The following IQCH variants were observed in gnomAD, a reference collection of about 807,000 sequenced individuals.
IQCH encodes IQ domain-containing protein H.
In IQCH, 98 loss-of-function variants were observed where a neutral mutation model predicts 117.0. That is an observed-to-expected ratio of 0.84 (90% CI 0.71 to 0.99). IQCH has a LOEUF of 0.99. Among genes scored for constraint, IQCH ranks in the 50% least tolerant of loss-of-function variants. The pLI, the probability that IQCH is intolerant of heterozygous loss-of-function variation, is 0.00. For synonymous variants in IQCH, 412 were observed against 448.2 expected (o/e 0.92, Z 1.02); for missense variants, 1,102 against 1,243.8 (o/e 0.89, Z 1.72).
rs537351001 is a variant in IQCH, at chr15:67,438,359, C to T, written c.2505+16782C>T. 5.3e-5 allele frequency among the ~76,000 whole-genome samples: 8 copies of T among 152,250 alleles called. No individual in the cohort carries two copies. The South Asian group carries it at 8.3e-4, about 16-fold the overall frequency. ...CAGACAAACAAATGCTGAGAGAATTCGCCATTACCACGCCACCACTACAAG... is the reference window on the plus strand; with the variant it reads ...CAGACAAACAAATGCTGAGAGAATTTGCCATTACCACGCCACCACTACAAG... On this transcript the variant is annotated intron_variant, in intron 16 of 20. Transcript: ENST00000335894.
chr15:67,277,603 G>A (rs1176016553), intron 3 of IQCH, among the ~76,000 whole-genome samples: 1 of 148,886 alleles, frequency 6.7e-6, no homozygotes, highest in African/African-American at 2.5e-5. Context: ...GCGCAATCTC[G>A]GCTCACTGCA....
rs1160851915 is a variant in IQCH at position 67,472,306 on chromosome 15, C to T, written c.2677-3390C>T. 1.3e-5 allele frequency among the ~76,000 whole-genome samples: 2 copies of T among 152,266 alleles called. No homozygotes were observed. The highest frequency in any genetic ancestry group is 3.9e-4 in the East Asian group (2 of 5,184). ...AGCACAGAACTGGGGAAGTGGGAAG[C>T]AGGAGAAGTAGTTGGAAGGGTGCAC... On this transcript the variant is annotated intron_variant, in intron 17 of 20. Transcript: ENST00000335894. This position sits in a 1 kb window ranked among gnomAD's most constrained non-coding sequence, Gnocchi z 4.3.
intron 4 of IQCH, among the ~76,000 whole-genome samples, chr15:67,333,466 T>G (rs1321037981): frequency 6.6e-6 from 1 of 152,206 alleles, no homozygotes. Flanking sequence ...CATGTAAAAT[T>G]AATAACATAA....
chr15:67,324,880 T>G (rs1968334908), intron 4 of IQCH, among the ~76,000 whole-genome samples: 1 of 152,086 alleles, frequency 6.6e-6, no homozygotes, highest in Non-Finnish European at 1.5e-5. Context: ...ATCATATGCT[T>G]GAATGTAGTT....
At chr15:67,343,345 G>C (rs1969252119) in intron 5 of IQCH, among the ~76,000 whole-genome samples, 1 of 152,202 alleles carries the variant, frequency 6.6e-6, no homozygotes, top group Non-Finnish European at 1.5e-5. Context: ...CTTCAACACA[G>C]TAGATCCACC....
chr15:67,325,270 A>T (rs750383537), intron 4 of IQCH, among the ~76,000 whole-genome samples: 1 of 151,952 alleles, frequency 6.6e-6, no homozygotes, highest in Non-Finnish European at 1.5e-5. Flanking sequence ...TCTTTTATAT[A>T]CATTTAATTT....
intron 15 of IQCH, among the ~76,000 whole-genome samples, chr15:67,419,642 C>T (rs192672437): frequency 6.6e-6 from 1 of 152,336 alleles, no homozygotes; most frequent in Non-Finnish European, 1.5e-5. Flanking sequence ...CAGCCTTGGC[C>T]TCCCAGGCTC....
In IQCH at chr15:67,406,416, G is replaced by A. The variant is rs1174415468; in HGVS notation, c.2097+6111G>A. 2 of 152,054 alleles carry A rather than the reference G, an allele frequency of 1.3e-5. No individual in the cohort carries two copies. The highest frequency in any genetic ancestry group is 2.4e-5 in the African/African-American group (1 of 41,398). 9.4% of individuals were successfully genotyped at this position (152,054 alleles called of 1,614,324 possible). On this transcript the variant is annotated intron_variant, in intron 14 of 20. Coordinates refer to ENST00000335894, the MANE Select transcript of IQCH (RefSeq NM_001031715.3). This position sits in a 1 kb window ranked among gnomAD's most constrained non-coding sequence, Gnocchi z 4.5. ...GTGTGCCTGTAGTTCCAGCTACTTA[G>A]GAGCCTGAAGAAAGAGGATCACTCG... is the stretch of plus-strand genomic sequence containing the variant.
intron 15 of IQCH, among the ~76,000 whole-genome samples, chr15:67,418,479 C>T (rs2140911483): frequency 7.4e-6 from 1 of 135,480 alleles, no homozygotes; most frequent in African/African-American, 2.7e-5. Context: ...GGAAAGTCAA[C>T]CCCATGCATA....
At chr15:67,389,049 A>G in intron 12 of IQCH, 43 bp downstream of exon 12, 1 of 1,514,308 alleles carries the variant, frequency 6.6e-7, no homozygotes, top group Non-Finnish European at 9.1e-7. Flanking sequence ...GGATGCAGTA[A>G]AATTAAATTG....
At chr15:67,293,822 G>T (rs1966834354) in intron 4 of IQCH, among the ~76,000 whole-genome samples, 1 of 152,156 alleles carries the variant, frequency 6.6e-6, no homozygotes, top group Non-Finnish European at 1.5e-5. Flanking sequence ...ACAGAAGAAA[G>T]ACCCTAAATT....
At chr15:67,450,905 G>A (rs2082507537) in intron 16 of IQCH, among the ~76,000 whole-genome samples, 1 of 152,234 alleles carries the variant, frequency 6.6e-6, no homozygotes, top group South Asian at 2.1e-4. Context: ...TTCAGAGCCT[G>A]TTATTGGTCT....
At chr15:67,265,542 T>A (rs1264709697) in intron 3 of IQCH, among the ~76,000 whole-genome samples, 1 of 151,984 alleles carries the variant, frequency 6.6e-6, no homozygotes, top group Non-Finnish European at 1.5e-5. Flanking sequence ...AGAAATGAAA[T>A]GAGATGGGAC....
At chr15:67,419,521 T>C (rs1193287724) in intron 15 of IQCH, among the ~76,000 whole-genome samples, 1 of 152,206 alleles carries the variant, frequency 6.6e-6, no homozygotes, top group Non-Finnish European at 1.5e-5. Flanking sequence ...TTCTAAATTG[T>C]CATAGGATTA....
At chr15:67,312,095 GAGAT>G (rs1257995783) in intron 4 of IQCH, among the ~76,000 whole-genome samples, 1 of 152,250 alleles carries the variant, frequency 6.6e-6, no homozygotes, top group East Asian at 1.9e-4. Context: ...TACATACTGA[GAGAT>G]AGTGTTTCTA....
At chr15:67,367,712 G>A (rs886395269) in intron 8 of IQCH, among the ~76,000 whole-genome samples, 20 of 152,106 alleles carry the variant, frequency 1.3e-4, no homozygotes, top group Non-Finnish European at 2.6e-4. Context: ...CTGGTGGTAC[G>A]GGGGTAGGGG....
At position 67,390,956 on chromosome 15, in the gene IQCH, T is replaced by G. The variant is rs16950887; in HGVS notation, c.1632+1950T>G. Among the ~76,000 whole-genome samples, 3,294 of 152,312 alleles carry G rather than the reference T, an allele frequency of 0.022. 117 individuals carry two copies. Among genetic ancestry groups the G allele is most frequent in the African/African-American group, 0.072 (2,989 of 41,560 alleles). On this transcript the variant is annotated intron_variant, in intron 12 of 20. Coordinates refer to ENST00000335894, the MANE Select transcript of IQCH (RefSeq NM_001031715.3). The surrounding 1 kb of genome is among the most constrained non-coding windows in gnomAD (Gnocchi z 5.0). ...TCTACCGCAGAGCAGTATCATGAGT[T>G]GGAATGACTGCCTTGCTCCTGGATG...
rs16950910 is a variant in IQCH, at chr15:67,430,889, A to G, written c.2505+9312A>G. 3.5e-3 allele frequency among the ~76,000 whole-genome samples: 537 copies of G among 152,348 alleles called. 8 individuals carry two copies. The highest frequency in any genetic ancestry group is 0.012 in the African/African-American group (515 of 41,590). ...GTAGCAAGGAAAGGCTTAAGTGACA[A>G]CTACGTAGAACAATAAAAGAGACAT... On this transcript the variant is annotated intron_variant, in intron 16 of 20. Transcript: ENST00000335894. The surrounding 1 kb of genome is among the most constrained non-coding windows in gnomAD (Gnocchi z 5.1).
rs1038666593 is a variant in IQCH, at chr15:67,384,358, G to A, written c.1373-578G>A. On this transcript the variant is annotated intron_variant, in intron 10 of 20. Coordinates refer to ENST00000335894, the MANE Select transcript of IQCH (RefSeq NM_001031715.3). The surrounding 1 kb of genome is among the most constrained non-coding windows in gnomAD (Gnocchi z 4.3). ...CCAGTGGAAATGAAGGCAAACTGCA[G>A]GACTTTTATTAGTACTGACAAAGTA... is the stretch of plus-strand genomic sequence containing the variant. Among the ~76,000 whole-genome samples, 4 of 152,070 alleles carry A rather than the reference G, an allele frequency of 2.6e-5. No individual in the cohort carries two copies. The highest frequency in any genetic ancestry group is 5.9e-5 in the Non-Finnish European group (4 of 68,000).
Sources: allele counts gnomAD v4.1 joint callset (sites outside exome capture counted in the v4.1 genomes callset), GRCh38; gene constraint gnomAD v4.1.1; non-coding constraint Gnocchi (gnomAD v3.1); transcripts MANE v1.5; gene names NCBI Gene and HGNC (gene_info 2026-07-23, HGNC 2026-07-21).